COLEC10: variants seen among roughly 807,000 people sequenced by gnomAD.
The protein encoded by COLEC10 is collectin subfamily member 10.
Under a neutral mutation model 28.4 loss-of-function variants are expected in COLEC10, and 22 were observed. The observed-to-expected ratio is 0.78, with a 90% CI of 0.55 to 1.11. The LOEUF (loss-of-function observed/expected upper bound fraction) is 1.11. Ranked by LOEUF, COLEC10 falls within the 50% of genes least tolerant of loss-of-function variation. The pLI, the probability that COLEC10 is intolerant of heterozygous loss-of-function variation, is 0.00. For synonymous variants in COLEC10, 125 were observed against 116.1 expected, an observed-to-expected ratio of 1.08 and a Z score of -0.49; for missense variants, 361 against 344.1, an observed-to-expected ratio of 1.05 and a Z score of -0.39.
intron 1 of COLEC10, among the ~76,000 whole-genome samples, chr8:119,071,009 G>C (rs1263962065): frequency 2.0e-5 from 3 of 152,096 alleles, no homozygotes; most frequent in Non-Finnish European, 4.4e-5. Flanking sequence ...TTGACCCTGG[G>C]CCTTCTGGCT....
the COLEC10 span, among the ~76,000 whole-genome samples, chr8:118,971,980 C>T: frequency 1.6e-4 from 24 of 152,090 alleles, no homozygotes; most frequent in East Asian, 3.9e-3. Context: ...AAGATTAATT[C>T]GTACTTTACT....
chr8:119,084,390 A>C (rs1335444510), intron 1 of COLEC10, among the ~76,000 whole-genome samples: 2 of 152,192 alleles, frequency 1.3e-5, no homozygotes, highest in Non-Finnish European at 2.9e-5. Flanking sequence ...CACCAGTGGA[A>C]ATTTTTCTTC....
intron 5 of COLEC10, 21 bp downstream of exon 5, chr8:119,103,916 G>A: frequency 6.9e-7 from 1 of 1,452,980 alleles, no homozygotes; most frequent in Non-Finnish European, 9.7e-7. Flanking sequence ...TCTCTTTTGT[G>A]TTATGTATCT....
intron 2 of COLEC10, among the ~76,000 whole-genome samples, chr8:119,025,850 G>T (rs1814180855): frequency 6.6e-6 from 1 of 152,100 alleles, no homozygotes; most frequent in South Asian, 2.1e-4. Flanking sequence ...GATTATTGAT[G>T]GCATAATTTA....
chr8:118,975,110 G>A, the COLEC10 span, among the ~76,000 whole-genome samples: 1 of 151,948 alleles, frequency 6.6e-6, no homozygotes, highest in South Asian at 2.1e-4. Flanking sequence ...CATTTCCATA[G>A]CAATAATGAT....
chr8:119,013,435 G>GC (rs1467168222), intron 2 of COLEC10, among the ~76,000 whole-genome samples: 1 of 150,318 alleles, frequency 6.7e-6, no homozygotes, highest in Non-Finnish European at 1.5e-5. Context: ...TGTGTATTCT[G>GC]TTCTTTTTGG....
intron 1 of COLEC10, 26 bp downstream of exon 1, chr8:119,067,455 A>G: frequency 6.2e-7 from 1 of 1,606,902 alleles, no homozygotes. Flanking sequence ...CACAATTTTC[A>G]TGTATAATAA....
intron 2 of COLEC10, among the ~76,000 whole-genome samples, chr8:119,046,180 GA>G (rs1472825313): frequency 1.3e-5 from 2 of 152,082 alleles, no homozygotes; most frequent in East Asian, 3.9e-4. Context: ...ATTTCTTCTG[GA>G]AATGAATCAT....
At chr8:118,987,946 A>G in the COLEC10 span, among the ~76,000 whole-genome samples, 4 of 152,286 alleles carry the variant, frequency 2.6e-5, no homozygotes, top group South Asian at 6.2e-4. Flanking sequence ...CCTTAGAACA[A>G]TAAAAGCTGA....
chr8:119,021,153 ATT>A (rs1199332143), intron 2 of COLEC10, among the ~76,000 whole-genome samples: 1 of 152,150 alleles, frequency 6.6e-6, no homozygotes, highest in Admixed American at 6.6e-5. Flanking sequence ...TGTGTCTTCT[ATT>A]TCCCTAATTT....
chr8:119,058,637 T>C (rs1024806966), intron 2 of COLEC10, among the ~76,000 whole-genome samples: 1 of 152,146 alleles, frequency 6.6e-6, no homozygotes, highest in African/African-American at 2.4e-5. Flanking sequence ...TTCCATTGTA[T>C]AGATACACAA....
At chr8:119,062,484 T>G (rs1404715080), upstream of COLEC10, among the ~76,000 whole-genome samples, 2 of 152,036 alleles carry the variant, frequency 1.3e-5, no homozygotes, top group Non-Finnish European at 2.9e-5. Context: ...ATTTGATTTT[T>G]TTTTTTTTCT....
chr8:119,035,522 A>G (rs1269259716), intron 2 of COLEC10, among the ~76,000 whole-genome samples: 1 of 151,616 alleles, frequency 6.6e-6, no homozygotes, highest in Non-Finnish European at 1.5e-5. Context: ...ATAGTGTTAT[A>G]CAGATCCCTT....
At chr8:118,958,505 T>C in the COLEC10 span, among the ~76,000 whole-genome samples, 3 of 152,218 alleles carry the variant, frequency 2.0e-5, no homozygotes, top group African/African-American at 7.2e-5. Flanking sequence ...TGTAAGTGTA[T>C]GGCAGGAATG....
At chr8:119,053,986 A>G (rs1344951211) in intron 2 of COLEC10, among the ~76,000 whole-genome samples, 1 of 152,066 alleles carries the variant, frequency 6.6e-6, no homozygotes, top group Non-Finnish European at 1.5e-5. Flanking sequence ...GAACAATTAA[A>G]ACAACATGTC....
intron 1 of COLEC10, among the ~76,000 whole-genome samples, chr8:119,069,535 C>G (rs1815046396): frequency 7.2e-6 from 1 of 138,868 alleles, no homozygotes; most frequent in Non-Finnish European, 1.5e-5. Flanking sequence ...TAAGTCCAGA[C>G]AGTTGAGCCT....
chr8:119,034,983 G>A (rs149254239), intron 2 of COLEC10, among the ~76,000 whole-genome samples: 3 of 152,252 alleles, frequency 2.0e-5, no homozygotes, highest in Non-Finnish European at 4.4e-5. Flanking sequence ...TAGCAAAGAC[G>A]AGTATTCTGA....
chr8:119,041,366 C>T (rs902187205), intron 2 of COLEC10, among the ~76,000 whole-genome samples: 12 of 152,238 alleles, frequency 7.9e-5, no homozygotes, highest in African/African-American at 2.6e-4. Context: ...ACAACATTTC[C>T]TCTAGCATGT....
At chr8:119,105,121 C>T (rs1474407551) in intron 5 of COLEC10, among the ~76,000 whole-genome samples, 1 of 152,158 alleles carries the variant, frequency 6.6e-6, no homozygotes, top group Non-Finnish European at 1.5e-5. Context: ...ATTATTCCTG[C>T]ATCATTTCAA....
Sources: allele counts gnomAD v4.1 joint callset (sites outside exome capture counted in the v4.1 genomes callset), GRCh38; gene constraint gnomAD v4.1.1; transcripts MANE v1.5; gene names NCBI Gene and HGNC (gene_info 2026-07-23, HGNC 2026-07-21).